Variants in PITPNC1 observed in about 807,000 individuals in gnomAD.
PITPNC1 encodes cytoplasmic phosphatidylinositol transfer protein 1.
A neutral mutation model predicts 44.7 loss-of-function variants in PITPNC1; 18 were observed. The observed-to-expected ratio is 0.40, with a 90% CI of 0.28 to 0.60. The LOEUF (loss-of-function observed/expected upper bound fraction) is 0.60, where lower values mean the gene tolerates loss of function less well. PITPNC1 is among the 20% of genes least tolerant of loss of function. The pLI is 0.39. For missense variants in PITPNC1, 290 were observed against 418.4 expected (o/e 0.69, Z 2.68); for synonymous variants, 141 against 149.6 (o/e 0.94, Z 0.42).
intron 1 of PITPNC1, among the ~76,000 whole-genome samples, chr17:67,435,189 G>A (rs922375458): frequency 3.3e-5 from 5 of 151,812 alleles, no homozygotes; most frequent in African/African-American, 1.2e-4. Flanking sequence ...CTCCTCTTGG[G>A]CAAATTACGC....
At chr17:67,687,125 A>C in intron 8 of PITPNC1, 1 of 1,612,384 alleles carries the variant, frequency 6.2e-7, no homozygotes, top group Non-Finnish European at 8.5e-7. Flanking sequence ...AACCAACATA[A>C]AAGTTTGCAA....
intron 8 of PITPNC1, among the ~76,000 whole-genome samples, chr17:67,688,684 T>C (rs944641095): frequency 2.6e-5 from 4 of 152,208 alleles, no homozygotes; most frequent in Non-Finnish European, 5.9e-5. Context: ...CTTGAATTTC[T>C]ATCACTTTCA....
chr17:67,582,135 A>T (rs2041243315), intron 5 of PITPNC1, among the ~76,000 whole-genome samples: 1 of 152,216 alleles, frequency 6.6e-6, no homozygotes, highest in African/African-American at 2.4e-5. Context: ...TTATCTAACA[A>T]TTCTTTAATT....
chr17:67,599,277 T>C (rs1167658023), intron 5 of PITPNC1, among the ~76,000 whole-genome samples: 1 of 151,776 alleles, frequency 6.6e-6, no homozygotes, highest in African/African-American at 2.4e-5. Context: ...GAGTTTGAAG[T>C]AGTCACGGAA....
intron 5 of PITPNC1, among the ~76,000 whole-genome samples, chr17:67,628,724 G>T (rs927553884): frequency 3.9e-5 from 6 of 152,288 alleles, no homozygotes; most frequent in East Asian, 1.9e-4. Context: ...CCAGTGCAAG[G>T]CCTGCAGCAC....
At chr17:67,662,001 A>C (rs1038728864) in intron 6 of PITPNC1, among the ~76,000 whole-genome samples, 1 of 151,872 alleles carries the variant, frequency 6.6e-6, no homozygotes, top group African/African-American at 2.4e-5. Flanking sequence ...TCTCATAATA[A>C]TAATAATAAT....
chr17:67,408,766 C>CT (rs1489667348), intron 1 of PITPNC1: 1 of 133,998 alleles, frequency 7.5e-6, no homozygotes, highest in Admixed American at 7.6e-5. Context: ...TTCTTTCCTT[C>CT]TTTTTCTTTC....
intron 1 of PITPNC1, among the ~76,000 whole-genome samples, chr17:67,485,764 C>A (rs1257333399): frequency 1.3e-5 from 2 of 151,932 alleles, no homozygotes; most frequent in Non-Finnish European, 2.9e-5. Context: ...CTTAAGATGT[C>A]AAGAGGAAAG....
chr17:67,402,868 T>C (rs568164999), intron 1 of PITPNC1, among the ~76,000 whole-genome samples: 11 of 152,170 alleles, frequency 7.2e-5, no homozygotes, highest in Non-Finnish European at 1.5e-4. Flanking sequence ...AGTTTCACCA[T>C]GTTGGCCAGA....
intron 5 of PITPNC1, among the ~76,000 whole-genome samples, chr17:67,580,641 G>A (rs2041217462): frequency 6.6e-6 from 1 of 152,022 alleles, no homozygotes; most frequent in African/African-American, 2.4e-5. Context: ...ATGCCTGGCT[G>A]GAAAAAAATT....
intron 5 of PITPNC1, among the ~76,000 whole-genome samples, chr17:67,600,940 A>C (rs1568060255): frequency 1.3e-5 from 2 of 152,104 alleles, no homozygotes; most frequent in South Asian, 4.2e-4. Context: ...GTAAACACTT[A>C]TTTAGCCCTT....
At chr17:67,391,041 G>A (rs915774738) in intron 1 of PITPNC1, among the ~76,000 whole-genome samples, 1 of 144,110 alleles carries the variant, frequency 6.9e-6, no homozygotes, top group Non-Finnish European at 1.5e-5. Context: ...TGGTCAGATT[G>A]ATCTAATGAC....
intron 1 of PITPNC1, among the ~76,000 whole-genome samples, chr17:67,499,673 G>T (rs374384763): frequency 6.6e-6 from 1 of 152,196 alleles, no homozygotes; most frequent in South Asian, 2.1e-4. Context: ...GGTCTTATGA[G>T]ATTATAATGC....
chr17:67,553,717 AG>A (rs749878170), intron 4 of PITPNC1, 100 bp downstream of exon 4: 11 of 485,734 alleles, frequency 2.3e-5, no homozygotes, highest in Non-Finnish European at 3.3e-5. Flanking sequence ...ATAATTAAAA[AG>A]GGGAATAATT....
At chr17:67,540,965 C>T (rs570834338) in intron 2 of PITPNC1, among the ~76,000 whole-genome samples, 30 of 152,020 alleles carry the variant, frequency 2.0e-4, no homozygotes, top group South Asian at 4.2e-4. Flanking sequence ...ACCTGTAATT[C>T]GAGCACTTTG....
At chr17:67,452,918 C>T (rs1378820648) in intron 1 of PITPNC1, among the ~76,000 whole-genome samples, 1 of 152,192 alleles carries the variant, frequency 6.6e-6, no homozygotes, top group Non-Finnish European at 1.5e-5. Context: ...CTTGTCAGTA[C>T]TTGGTATTAT....
At chr17:67,527,121 A>G (rs1342330568) in intron 1 of PITPNC1, among the ~76,000 whole-genome samples, 4 of 152,196 alleles carry the variant, frequency 2.6e-5, no homozygotes, top group Non-Finnish European at 1.5e-5. Flanking sequence ...TGATCTTTCA[A>G]TCAGATTTTT....
chr17:67,455,160 A>T lies in PITPNC1; in HGVS notation c.48+76958A>T, dbSNP rs191865354. On this transcript the variant is annotated intron_variant, in intron 1 of 8. Coordinates refer to ENST00000581322, the MANE Select transcript of PITPNC1 (RefSeq NM_012417.4). ...AGTAAAACCCAAGCCCATACTATGCATACTGCTTTGTATCTTTTTCACCTA... is the reference window on the plus strand; with the variant it reads ...AGTAAAACCCAAGCCCATACTATGCTTACTGCTTTGTATCTTTTTCACCTA... Among the ~76,000 whole-genome samples the T allele has an allele frequency of 1.7e-3, 260 of 152,274 alleles. 1 individual carries two copies. Among genetic ancestry groups the T allele is most frequent in the Non-Finnish European group, 2.9e-3 (196 of 68,030 alleles).
chr17:67,569,387 T>C (rs3760216), intron 4 of PITPNC1, among the ~76,000 whole-genome samples: 31,441 of 152,132 alleles, frequency 0.21, 3,963 homozygotes, highest in South Asian at 0.31. Flanking sequence ...TGGAAATTAT[T>C]CTTGCAGAGA....
Sources: gnomAD v4.1 joint callset for allele counts (sites outside exome capture counted in the v4.1 genomes callset) on GRCh38, gnomAD v4.1.1 for gene constraint, MANE v1.5 for transcripts, NCBI Gene and HGNC (gene_info 2026-07-23, HGNC 2026-07-21) for gene names.